Variants in ATG4B observed in about 807,000 individuals in gnomAD.
ATG4B encodes autophagy related 4B cysteine peptidase.
Under a neutral mutation model 56.6 loss-of-function variants are expected in ATG4B, and 29 were observed. The ratio of observed to expected loss-of-function variants is 0.51; its 90% CI spans 0.38 to 0.70. ATG4B has a LOEUF of 0.70. ATG4B is among the 30% of genes least tolerant of loss of function. ATG4B has a pLI of 0.00. For synonymous variants in ATG4B, 224 were observed against 206.1 expected (o/e 1.09, Z -0.74); for missense variants, 461 against 515.5 (o/e 0.89, Z 1.02).
chr2:241,663,224 CTG>C (rs573515581), intron 7 of ATG4B, among the ~76,000 whole-genome samples: 31 of 152,278 alleles, frequency 2.0e-4, no homozygotes, highest in African/African-American at 5.8e-4. Context: ...CACAGTAAGA[CTG>C]TGTCTCAAAA....
chr2:241,646,391 G>T (rs1293240641), intron 1 of ATG4B, among the ~76,000 whole-genome samples: 1 of 152,070 alleles, frequency 6.6e-6, no homozygotes, highest in African/African-American at 2.4e-5. Context: ...TTCTGTTACT[G>T]CAGACTGTTA....
chr2:241,639,138 A>C (rs2067800058), intron 1 of ATG4B, among the ~76,000 whole-genome samples: 1 of 152,162 alleles, frequency 6.6e-6, no homozygotes, highest in Admixed American at 6.5e-5. Flanking sequence ...TGGGTGAGTG[A>C]GTGCCGGGTC....
chr2:241,666,475 T>G (rs1414878467), intron 7 of ATG4B, 170 bp from the exon 8 acceptor site: 1 of 688,566 alleles, frequency 1.5e-6, no homozygotes, highest in South Asian at 1.9e-5. Flanking sequence ...GTGGCAAGAT[T>G]ATGAAAAAAT....
intron 1 of ATG4B, among the ~76,000 whole-genome samples, chr2:241,649,934 C>G (rs2068179644): frequency 6.6e-6 from 1 of 152,022 alleles, no homozygotes; most frequent in African/African-American, 2.4e-5. Context: ...CAGGCGCCCG[C>G]CACCACGCCT....
intron 6 of ATG4B, among the ~76,000 whole-genome samples, chr2:241,656,129 T>C (rs895775124): frequency 5.3e-5 from 8 of 152,132 alleles, no homozygotes; most frequent in African/African-American, 1.9e-4. Flanking sequence ...CTGCCTGTTC[T>C]GTATCCCACT....
intron 3 of ATG4B, 102 bp from the exon 4 acceptor site, chr2:241,653,410 G>A (rs573937213): frequency 7.7e-6 from 12 of 1,551,084 alleles, no homozygotes; most frequent in Middle Eastern, 1.7e-4. Context: ...GGAGGGAGTC[G>A]GTGCCTGTGG....
Position 241,651,098 on chromosome 2 carries a change from C to T in ATG4B, c.99C>T (p.Tyr33=). 3 of 1,613,408 alleles carry T rather than the reference C, an allele frequency of 1.9e-6. No homozygotes were observed. The highest frequency in any genetic ancestry group is 2.5e-6 in the Non-Finnish European group (3 of 1,179,622). The change falls in exon 2 of 13, where the codon TAC becomes TAT. Residue 33 remains tyrosine (Y), a synonymous_variant. Transcript: ENST00000404914. This position sits in a 1 kb window ranked among gnomAD's most constrained non-coding sequence, Gnocchi z 4.1. ...CCGTTTGGATACTGGGTAGAAAATA[C>T]AGCATTTTCACAGGTATCGGCCATG... ...SEPVWILGRK[Y]SIFTEKDEIL... is the part of the protein sequence containing the mutation.
At chr2:241,653,990 GAAAAAAA>G (rs34757883) in intron 4 of ATG4B, among the ~76,000 whole-genome samples, 5 of 72,912 alleles carry the variant, frequency 6.9e-5, no homozygotes, top group Non-Finnish European at 8.4e-5. Flanking sequence ...GACCCTATCT[GAAAAAAA>G]AAAAAAAAAA....
At position 241,673,535 on chromosome 2, in the gene ATG4B, G is replaced by A. The variant is rs996883035; in HGVS notation, c.*1271G>A. 3.8e-5 allele frequency: 17 copies of A among 452,522 alleles called. No homozygotes were observed. Among genetic ancestry groups the A allele is most frequent in the East Asian group, 2.1e-4 (3 of 14,326 alleles). The allele number at this position is 452,522 out of a possible 1,614,324, so 28.0% of individuals were successfully genotyped here. A position where few individuals can be genotyped will look rare whatever the true frequency, so the allele number is the denominator to read the frequency against. The stretch of plus-strand genomic sequence containing the variant: ...GCGCGCCGGACAGTCGGCACTGACC[G>A]GCCCACCTGGTAGCAGAGGACACCC... On this transcript the variant is annotated 3_prime_UTR_variant, in exon 13 of 13. Coordinates refer to ENST00000404914, the MANE Select transcript of ATG4B (RefSeq NM_013325.5).
chr2:241,655,597 C>T (rs570257048), intron 6 of ATG4B, among the ~76,000 whole-genome samples: 2 of 152,308 alleles, frequency 1.3e-5, no homozygotes, highest in South Asian at 4.1e-4. Flanking sequence ...ATGGATCCAC[C>T]TGTAATGGTG....
At position 241,672,258 on chromosome 2, in the gene ATG4B, C is replaced by T. The variant is rs1166386956; in HGVS notation, c.1176C>T (p.Ser392=). The change falls in exon 13 of 13, where the codon TCC becomes TCT. Residue 392 remains serine (S), a synonymous_variant. Coordinates refer to ENST00000404914, the MANE Select transcript of ATG4B (RefSeq NM_013325.5). Reference sequence around the variant, plus strand: ...AAGATGAAGACTTTGAAATCCTGTCCCTTTGAAAATCCTGGGGTCGGGGGT... The same window carrying T: ...AAGATGAAGACTTTGAAATCCTGTCTCTTTGAAAATCCTGGGGTCGGGGGT... The part of the protein sequence containing the change: ...DSEDEDFEIL[S]L 15 of 1,576,704 alleles carry T rather than the reference C, an allele frequency of 9.5e-6. No individual in the cohort carries two copies. The highest frequency in any genetic ancestry group is 2.3e-5 in the East Asian group (1 of 43,096).
chr2:241,667,607 TAA>T (rs772264425), intron 8 of ATG4B, among the ~76,000 whole-genome samples: 23 of 115,366 alleles, frequency 2.0e-4, no homozygotes, highest in African/African-American at 1.7e-4. Flanking sequence ...CCATCTCAAA[TAA>T]AAAAAAAAAA....
rs1311700273 is a variant in ATG4B, at chr2:241,671,395, C to T, written c.1098C>T (p.Asn366=). The change falls in exon 12 of 13, where the codon AAC becomes AAT. Residue 366 remains asparagine (N), a synonymous_variant. Transcript: ENST00000404914. ...ATCTGGCCTGCCCCGACGTCCTGAA[C>T]CTGTCCCTAGGTGAGAGCTGCCAAG... The part of the protein sequence containing the change: ...PSHLACPDVL[N]LSLDSSDVER... The T allele has an allele frequency of 6.2e-7, 1 of 1,613,692 alleles. No homozygotes were observed. Among genetic ancestry groups the T allele is most frequent in the East Asian group, 2.2e-5 (1 of 44,868 alleles).
At chr2:241,639,923 C>G (rs1018091175) in intron 1 of ATG4B, among the ~76,000 whole-genome samples, 2 of 152,200 alleles carry the variant, frequency 1.3e-5, no homozygotes, top group African/African-American at 2.4e-5. Flanking sequence ...GTGGATTTAT[C>G]CGAGACTCGT....
chr2:241,670,522 G>C lies in ATG4B; in HGVS notation c.958-204G>C, dbSNP rs2068930985. The C allele has an allele frequency of 5.4e-5, 33 of 611,890 alleles. No individual in the cohort carries two copies. In the East Asian group the frequency reaches 9.1e-4, roughly 17 times the overall value. 37.9% of individuals were successfully genotyped at this position (611,890 alleles called of 1,614,324 possible). On this transcript the variant is annotated intron_variant, in intron 10 of 12. Transcript: ENST00000404914. ...ACAGCAACGCAGTGGAGCCTGAGGG[G>C]AGCCGGGCACTGGTGCAGGGGACCA...
chr2:241,655,459 A>G (rs2068369314), intron 6 of ATG4B, 116 bp downstream of exon 6: 3 of 1,042,712 alleles, frequency 2.9e-6, no homozygotes, highest in East Asian at 2.6e-5. Flanking sequence ...TATTTACTTC[A>G]TGGCCCTCAG....
chr2:241,660,839 AC>A (rs2068568933), intron 7 of ATG4B, among the ~76,000 whole-genome samples: 1 of 152,138 alleles, frequency 6.6e-6, no homozygotes, highest in Admixed American at 6.5e-5. Context: ...GAAATCACTT[AC>A]CCCCTCGTTC....
At chr2:241,671,507 A>T in intron 12 of ATG4B, 102 bp downstream of exon 12, 1 of 1,554,082 alleles carries the variant, frequency 6.4e-7, no homozygotes, top group Non-Finnish European at 8.7e-7. Context: ...GGTGTGTGTG[A>T]GCCTGAGCCG....
At chr2:241,666,956 TA>T in intron 8 of ATG4B, 118 bp downstream of exon 8, 1 of 1,220,100 alleles carries the variant, frequency 8.2e-7, no homozygotes, top group African/African-American at 1.5e-5. Flanking sequence ...GGGGGAGGGG[TA>T]AACAACCCTG....
Sources: gnomAD v4.1 joint callset for allele counts (sites outside exome capture counted in the v4.1 genomes callset) on GRCh38, gnomAD v4.1.1 for gene constraint, Gnocchi (gnomAD v3.1) non-coding constraint, MANE v1.5 for transcripts, NCBI Gene and HGNC (gene_info 2026-07-23, HGNC 2026-07-21) for gene names.